CRISPLD2: variants seen among roughly 807,000 people sequenced by gnomAD.
CRISPLD2 encodes the protein cysteine-rich secretory protein LCCL domain-containing 2.
CRISPLD2 carries 47 observed loss-of-function variants against 71.1 expected under a neutral mutation model. The observed-to-expected ratio is 0.66, with a 90% CI of 0.52 to 0.84. The LOEUF is 0.84. CRISPLD2 is among the 40% of genes least tolerant of loss of function. The pLI is 0.00. For synonymous variants in CRISPLD2, 317 were observed against 250.1 expected (o/e 1.27, Z -2.52); for missense variants, 830 against 651.1 (o/e 1.27, Z -2.99).
At chr16:84,848,066 A>G (rs187421432) in intron 3 of CRISPLD2, among the ~76,000 whole-genome samples, 54 of 152,298 alleles carry the variant, frequency 3.5e-4, no homozygotes, top group Admixed American at 2.8e-3. Context: ...CCCCTTTCTT[A>G]AGGAATTTTG....
intron 6 of CRISPLD2, among the ~76,000 whole-genome samples, chr16:84,866,563 G>A (rs763254710): frequency 6.6e-6 from 1 of 152,118 alleles, no homozygotes; most frequent in Non-Finnish European, 1.5e-5. Context: ...GTTGCTTCGT[G>A]GGGGCAGAGG....
intron 14 of CRISPLD2, among the ~76,000 whole-genome samples, chr16:84,900,102 G>C (rs1361504646): frequency 1.3e-5 from 2 of 152,078 alleles, no homozygotes; most frequent in Non-Finnish European, 2.9e-5. Flanking sequence ...CCTCCTCTTG[G>C]TCCGGAGCCA....
chr16:84,842,697 A>G (rs1437268291), intron 2 of CRISPLD2, among the ~76,000 whole-genome samples: 1 of 151,996 alleles, frequency 6.6e-6, no homozygotes, highest in African/African-American at 2.4e-5. Flanking sequence ...TTCGCCGCCA[A>G]TTTCTGAGAG....
chr16:84,865,402 C>T (rs910411466), intron 6 of CRISPLD2, among the ~76,000 whole-genome samples: 4 of 152,330 alleles, frequency 2.6e-5, no homozygotes, highest in East Asian at 1.9e-4. Flanking sequence ...GCAATCCACC[C>T]GCCTCGGCTT....
rs960472652 is a variant in CRISPLD2, at chr16:84,909,129, C to A, written c.*2487C>A. On this transcript the variant is annotated 3_prime_UTR_variant, in exon 15 of 15. Coordinates refer to ENST00000262424, the MANE Select transcript of CRISPLD2 (RefSeq NM_031476.4). ...GTGTGTGGAATAGAGGCCCCTCGTG[C>A]TACCAACACTTACCCTGTGTTTAAA... The A allele has an allele frequency of 1.3e-5, 2 of 152,644 alleles. No individual in the cohort carries two copies. Among genetic ancestry groups the A allele is most frequent in the Non-Finnish European group, 2.9e-5 (2 of 68,052 alleles). 9.5% of individuals were successfully genotyped at this position (152,644 alleles called of 1,614,324 possible). A position where few individuals can be genotyped will look rare whatever the true frequency, so the allele number is the denominator to read the frequency against.
chr16:84,863,318 A>G (rs368768934), intron 6 of CRISPLD2, among the ~76,000 whole-genome samples: 2 of 152,314 alleles, frequency 1.3e-5, no homozygotes, highest in Admixed American at 6.5e-5. Context: ...AAAGTATCCA[A>G]CTTTCCTTGG....
chr16:84,880,473 C>A, intron 12 of CRISPLD2, 36 bp from the exon 13 acceptor site: 6 of 1,580,996 alleles, frequency 3.8e-6, no homozygotes, highest in Non-Finnish European at 5.2e-6. Flanking sequence ...GTTTTCTGTG[C>A]TCAGACCCAT....
intron 3 of CRISPLD2, 47 bp from the exon 4 acceptor site, chr16:84,849,338 G>A: frequency 1.9e-6 from 3 of 1,561,734 alleles, no homozygotes; most frequent in Non-Finnish European, 2.6e-6. Context: ...CTCCACTGGT[G>A]GGTGAGGGGA....
intron 14 of CRISPLD2, among the ~76,000 whole-genome samples, chr16:84,892,233 C>A (rs1474018597): frequency 6.6e-6 from 1 of 152,190 alleles, no homozygotes; most frequent in Non-Finnish European, 1.5e-5. Context: ...TCCGGCCCCA[C>A]CCAGCTCTGC....
At chr16:84,853,238 C>T (rs1205062143) in intron 5 of CRISPLD2, among the ~76,000 whole-genome samples, 2 of 152,112 alleles carry the variant, frequency 1.3e-5, no homozygotes, top group Non-Finnish European at 2.9e-5. Context: ...GACGTACCCA[C>T]GACAGGGCCA....
At chr16:84,877,362 GC>G in intron 11 of CRISPLD2, 75 bp from the exon 12 acceptor site, 1 of 1,326,028 alleles carries the variant, frequency 7.5e-7, no homozygotes, top group Non-Finnish European at 1.1e-6. Context: ...TAGTCTAGTG[GC>G]CCATTGCACA....
intron 6 of CRISPLD2, among the ~76,000 whole-genome samples, chr16:84,863,760 G>A (rs1172375268): frequency 6.6e-6 from 1 of 152,100 alleles, no homozygotes. Flanking sequence ...ACCGAGGTCG[G>A]GAGTTTGAGA....
intron 6 of CRISPLD2, among the ~76,000 whole-genome samples, chr16:84,865,345 A>G (rs1242584442): frequency 6.6e-6 from 1 of 152,090 alleles, no homozygotes; most frequent in Non-Finnish European, 1.5e-5. Flanking sequence ...TAGTAGAGAC[A>G]GGGTTTCACC....
chr16:84,870,951 G>C (rs1349936027), intron 8 of CRISPLD2, among the ~76,000 whole-genome samples: 2 of 152,004 alleles, frequency 1.3e-5, no homozygotes, highest in Non-Finnish European at 2.9e-5. Flanking sequence ...CCAGCTACTC[G>C]GGAGGCTGAG....
At chr16:84,902,250 G>T (rs868681920) in intron 14 of CRISPLD2, among the ~76,000 whole-genome samples, 6 of 152,084 alleles carry the variant, frequency 3.9e-5, no homozygotes, top group Non-Finnish European at 8.8e-5. Flanking sequence ...GAATAGAAAG[G>T]TGCTTCCACG....
intron 8 of CRISPLD2, among the ~76,000 whole-genome samples, chr16:84,871,859 T>C (rs2071472099): frequency 7.0e-6 from 1 of 141,936 alleles, no homozygotes; most frequent in African/African-American, 2.7e-5. Flanking sequence ...GCCTTGTTTT[T>C]TTTCAAATGA....
intron 11 of CRISPLD2, among the ~76,000 whole-genome samples, chr16:84,875,415 T>A: frequency 2.0e-5 from 1 of 50,960 alleles, no homozygotes; most frequent in African/African-American, 1.2e-4. Flanking sequence ...ATGCATGGAC[T>A]TTTTTTTTTT....
chr16:84,883,371 G>A (rs779409129), intron 13 of CRISPLD2, among the ~76,000 whole-genome samples: 5 of 152,180 alleles, frequency 3.3e-5, no homozygotes, highest in South Asian at 2.1e-4. Context: ...CAGACCCCTC[G>A]CTGTGTGGTG....
rs561615688 is a variant in CRISPLD2, at chr16:84,847,710, G to A, written c.360-1675G>A. Among the ~76,000 whole-genome samples the A allele has an allele frequency of 2.6e-5, 4 of 152,224 alleles. No homozygotes were observed. In the East Asian group the frequency reaches 7.7e-4, roughly 29 times the overall value. On this transcript the variant is annotated intron_variant, in intron 3 of 14. Coordinates refer to ENST00000262424, the MANE Select transcript of CRISPLD2 (RefSeq NM_031476.4). Reference sequence around the variant, plus strand: ...TGAAGTGTCTAAAGCAGGGAGATCTGGAATTCCACTAGCCTGGTTCGGCTC... The same window carrying A: ...TGAAGTGTCTAAAGCAGGGAGATCTAGAATTCCACTAGCCTGGTTCGGCTC...
Sources: allele counts gnomAD v4.1 joint callset (sites outside exome capture counted in the v4.1 genomes callset), GRCh38; gene constraint gnomAD v4.1.1; transcripts MANE v1.5; gene names NCBI Gene and HGNC (gene_info 2026-07-23, HGNC 2026-07-21).